HYDIN: variants seen among roughly 807,000 people sequenced by gnomAD.
HYDIN encodes HYDIN axonemal central pair apparatus protein.
HYDIN carries 132 observed loss-of-function variants against 403.9 expected under a neutral mutation model. The observed-to-expected ratio is 0.33, with a 90% confidence interval of 0.28 to 0.38. The LOEUF (loss-of-function observed/expected upper bound fraction) is 0.38, where lower values mean the gene tolerates loss of function less well. Among genes scored for constraint, HYDIN ranks in the 10% least tolerant of loss-of-function variants. The pLI, the probability that HYDIN is intolerant of heterozygous loss-of-function variation, is 1.00. For synonymous variants in HYDIN, 1,202 were observed against 1,891.7 expected (o/e 0.64, Z 9.46); for missense variants, 2,827 against 5,009.5 (o/e 0.56, Z 13.15).
intron 19 of HYDIN, among the ~76,000 whole-genome samples, chr16:71,028,202 T>G (rs1032118457): frequency 2.6e-4 from 39 of 151,814 alleles, no homozygotes; most frequent in African/African-American, 8.9e-4. Context: ...GAAAGCAAAA[T>G]ACCTACTGAA....
chr16:71,123,925 C>T (rs1483037156), intron 9 of HYDIN, among the ~76,000 whole-genome samples: 1 of 152,224 alleles, frequency 6.6e-6, no homozygotes, highest in African/African-American at 2.4e-5. Flanking sequence ...ACTGTGAGTC[C>T]ATTAAACCTC....
chr16:70,906,344 C>A (rs1043153696), intron 50 of HYDIN, among the ~76,000 whole-genome samples: 1 of 151,766 alleles, frequency 6.6e-6, no homozygotes, highest in Admixed American at 6.6e-5. Context: ...TGGATGACCA[C>A]ACATCATTTG....
chr16:71,228,142 C>A (rs1292101956), intron 1 of HYDIN, among the ~76,000 whole-genome samples: 3 of 151,994 alleles, frequency 2.0e-5, no homozygotes, highest in East Asian at 3.9e-4. Flanking sequence ...CTTCCTTACA[C>A]CTTATACAAA....
At chr16:71,131,026 A>G (rs1299947580) in intron 8 of HYDIN, among the ~76,000 whole-genome samples, 1 of 112,492 alleles carries the variant, frequency 8.9e-6, no homozygotes, top group Non-Finnish European at 1.8e-5. Context: ...ACATACGACC[A>G]TATTCCCATC....
intron 5 of HYDIN, among the ~76,000 whole-genome samples, chr16:71,165,487 A>T (rs1461889602): frequency 1.3e-5 from 2 of 149,470 alleles, no homozygotes; most frequent in Non-Finnish European, 3.0e-5. Context: ...CATCTAGTAT[A>T]TCGTATATTC....
At chr16:71,024,029 T>C (rs1435203219) in intron 21 of HYDIN, among the ~76,000 whole-genome samples, 3 of 152,222 alleles carry the variant, frequency 2.0e-5, no homozygotes, top group Non-Finnish European at 4.4e-5. Context: ...GTGAAATTTA[T>C]CAGGGAGGAC....
intron 1 of HYDIN, among the ~76,000 whole-genome samples, chr16:71,214,928 C>T (rs1329899894): frequency 1.3e-5 from 2 of 152,192 alleles, no homozygotes; most frequent in African/African-American, 4.8e-5. Flanking sequence ...GGCTCTGTCT[C>T]CTTGGCAGAG....
intron 23 of HYDIN, among the ~76,000 whole-genome samples, chr16:70,992,640 CA>C (rs1324323947): frequency 6.7e-6 from 1 of 149,850 alleles, no homozygotes; most frequent in Non-Finnish European, 1.5e-5. Context: ...GGCTAAGACT[CA>C]GCTGAGGCCT....
chr16:70,839,592 T>C (rs907666805), intron 76 of HYDIN, among the ~76,000 whole-genome samples: 3 of 151,508 alleles, frequency 2.0e-5, no homozygotes, highest in Admixed American at 6.6e-5. Context: ...GGCCAGCCCT[T>C]GGAGATTCTA....
At chr16:71,129,599 C>T in intron 9 of HYDIN, 41 bp downstream of exon 9, 1 of 1,531,882 alleles carries the variant, frequency 6.5e-7, no homozygotes. Flanking sequence ...TGTGCTCCCA[C>T]TTACATTTCC....
intron 4 of HYDIN, among the ~76,000 whole-genome samples, chr16:71,178,023 A>G (rs563714221): frequency 6.6e-6 from 1 of 152,356 alleles, no homozygotes; most frequent in East Asian, 1.9e-4. Flanking sequence ...CTACAGAAAG[A>G]AGAAGACAGA....
At chr16:70,982,114 C>CA (rs2079063193) in intron 28 of HYDIN, among the ~76,000 whole-genome samples, 1 of 124,166 alleles carries the variant, frequency 8.1e-6, no homozygotes, top group Non-Finnish European at 1.6e-5. Context: ...AGCGACAGAG[C>CA]AAGACTCCGT....
chr16:70,897,706 A>C (rs1307635822), intron 53 of HYDIN, among the ~76,000 whole-genome samples: 1 of 151,740 alleles, frequency 6.6e-6, no homozygotes, highest in African/African-American at 2.4e-5. Flanking sequence ...CAAGTTCACC[A>C]AAGGCTTTCA....
intron 60 of HYDIN, among the ~76,000 whole-genome samples, chr16:70,881,155 A>G (rs1188642540): frequency 3.0e-5 from 4 of 134,976 alleles, no homozygotes; most frequent in African/African-American, 1.5e-4. Flanking sequence ...GAGCCCAGGA[A>G]GTCAAGGCTG....
At chr16:71,074,600 C>CTAGA (rs2082569095) in intron 13 of HYDIN, among the ~76,000 whole-genome samples, 1 of 136,382 alleles carries the variant, frequency 7.3e-6, no homozygotes, top group Non-Finnish European at 1.6e-5. Context: ...AGGAGAATTG[C>CTAGA]TTGCTCCGGA....
chr16:71,051,488 T>C (rs1382273083), intron 18 of HYDIN, among the ~76,000 whole-genome samples: 1 of 151,444 alleles, frequency 6.6e-6, no homozygotes, highest in South Asian at 2.1e-4. Context: ...CTACTAAAAA[T>C]ACAAAATATT....
chr16:71,162,579 A>G lies in HYDIN; in HGVS notation c.668T>C (p.Val223Ala). 9.1e-7 allele frequency: 1 copy of G among 1,099,422 alleles called. No homozygotes were observed. 68.1% of individuals were successfully genotyped at this position (1,099,422 alleles called of 1,614,324 possible). ...AGCATTTTTGTTGCCAATGTTTCGT[A>G]CCAGCAGAATCTTCTGGGTGCTGTA... ...VKYSTQKILL[V>A]RNIGNKNAVF... Residue 223 changes from valine (V) to alanine (A), a missense_variant, in exon 6 of 86, where the codon GTA (valine) becomes GCA (alanine). Physicochemically the swap from Val to Ala is moderately conservative, Grantham distance 64. Transcript: ENST00000393567.
intron 1 of HYDIN, chr16:71,203,915 A>G (rs1289468425): frequency 2.3e-6 from 1 of 430,410 alleles, no homozygotes; most frequent in Non-Finnish European, 4.6e-6. Flanking sequence ...AAATACCAAG[A>G]TTAGCTGTGC....
chr16:71,169,790 A>G (rs1321987226), intron 5 of HYDIN, among the ~76,000 whole-genome samples: 1 of 152,194 alleles, frequency 6.6e-6, no homozygotes, highest in East Asian at 1.9e-4. Context: ...TTGCTAAGAA[A>G]GCAGATTTTA....
Sources: allele counts gnomAD v4.1 joint callset (sites outside exome capture counted in the v4.1 genomes callset), GRCh38; gene constraint gnomAD v4.1.1; transcripts MANE v1.5; gene names NCBI Gene and HGNC (gene_info 2026-07-23, HGNC 2026-07-21).